SEMA4B: variants seen among roughly 807,000 people sequenced by gnomAD.
SEMA4B encodes the protein semaphorin-4B.
A neutral mutation model predicts 88.1 loss-of-function variants in SEMA4B; 55 were observed. The ratio of observed to expected loss-of-function variants is 0.62; its 90% confidence interval spans 0.50 to 0.78. The LOEUF (loss-of-function observed/expected upper bound fraction) is 0.78. SEMA4B is among the 30% of genes least tolerant of loss of function. The probability of loss-of-function intolerance (pLI) is 0.00; values close to 1 mark genes in which losing one functional copy is unlikely to be tolerated. For missense variants in SEMA4B, 1,062 were observed against 1,111.9 expected (o/e 0.96, Z 0.64); for synonymous variants, 525 against 473.6 (o/e 1.11, Z -1.41).
chr15:90,225,663 G>C lies in SEMA4B; in HGVS notation c.1524G>C (p.Gly508=). The change falls in exon 12 of 14, where the codon GGG becomes GGC. Residue 508 remains glycine (G), a splice_region_variant and synonymous_variant. Transcript: ENST00000411539. The stretch of plus-strand genomic sequence containing the variant: ...CATCCCCGTGTCTGGCTGTGCAGGG[G>C]CTGCTGTATGCGGCCTCACACTCGG... ...VQNLLLDTHR[G]LLYAASHSGV... 2 of 1,563,094 alleles carry C rather than the reference G, an allele frequency of 1.3e-6. No individual in the cohort carries two copies. The highest frequency in any genetic ancestry group is 1.7e-6 in the Non-Finnish European group (2 of 1,154,956).
In SEMA4B at chr15:90,227,474, A is replaced by G. The variant is rs1189205846; in HGVS notation, c.1689-83A>G. 5.3e-6 allele frequency: 7 copies of G among 1,313,430 alleles called. 1 individual carries two copies. The Admixed American group carries it at 1.2e-4, about 23-fold the overall frequency. 81.4% of individuals were successfully genotyped at this position (1,313,430 alleles called of 1,614,324 possible). Reference sequence around the variant, plus strand: ...ATCAGCTCAGGAAAGGCCCTTGCCCAGGCCCAAGTCTGCAGTGAGGGGTGA... The same window carrying G: ...ATCAGCTCAGGAAAGGCCCTTGCCCGGGCCCAAGTCTGCAGTGAGGGGTGA... On this transcript the variant is annotated intron_variant, in intron 12 of 13. Transcript: ENST00000411539.
At chr15:90,197,526 C>T (rs1010111145), upstream of SEMA4B, among the ~76,000 whole-genome samples, 13 of 151,420 alleles carry the variant, frequency 8.6e-5, no homozygotes, top group Non-Finnish European at 1.9e-4. Flanking sequence ...CAAGCTCCGC[C>T]TCCCGGGTTC....
chr15:90,208,351 T>C (rs1384590980), intron 1 of SEMA4B, among the ~76,000 whole-genome samples: 1 of 152,154 alleles, frequency 6.6e-6, no homozygotes, highest in African/African-American at 2.4e-5. Context: ...TTTCTGAAGG[T>C]CTGGTAAGGT....
At chr15:90,202,288 G>T (rs546930199) in intron 1 of SEMA4B, among the ~76,000 whole-genome samples, 1 of 152,274 alleles carries the variant, frequency 6.6e-6, no homozygotes, top group South Asian at 2.1e-4. Flanking sequence ...CGACCAGACT[G>T]CGGATGGGGG....
chr15:90,228,859 C>A lies in SEMA4B; in HGVS notation c.*216C>A. The A allele has an allele frequency of 1.6e-6, 1 of 622,072 alleles. No homozygotes were observed. The highest frequency in any genetic ancestry group is 2.8e-6 in the Non-Finnish European group (1 of 360,270). 38.5% of individuals were successfully genotyped at this position (622,072 alleles called of 1,614,324 possible). On this transcript the variant is annotated 3_prime_UTR_variant, in exon 14 of 14. Transcript: ENST00000411539. The stretch of plus-strand genomic sequence containing the variant: ...CAGCCGTGGCCCCAGAGGTCCTGGC[C>A]AAATATGGGGGCCTGCCTAGGTTGG...
chr15:90,186,954 A>G (rs1472557484), intron 1 of SEMA4B, among the ~76,000 whole-genome samples: 1 of 152,082 alleles, frequency 6.6e-6, no homozygotes, highest in Non-Finnish European at 1.5e-5. Context: ...ATAATAAAAA[A>G]CAAAAAAATA....
chr15:90,193,453 C>G (rs539424588), intron 1 of SEMA4B: 20 of 152,340 alleles, frequency 1.3e-4, no homozygotes, highest in African/African-American at 4.6e-4. Context: ...TACTAGAGTG[C>G]CATGCAAGGC....
At chr15:90,190,239 A>T (rs2151582913) in intron 1 of SEMA4B, 1 of 152,258 alleles carries the variant, frequency 6.6e-6, no homozygotes, top group African/African-American at 2.4e-5. Flanking sequence ...GTCTCCTAAT[A>T]CCACTGCTTT....
chr15:90,206,862 G>A lies in SEMA4B; in HGVS notation c.157+5127G>A, dbSNP rs150788241. On this transcript the variant is annotated intron_variant, in intron 1 of 13. Coordinates refer to ENST00000411539, the MANE Select transcript of SEMA4B (RefSeq NM_198925.4). ...GTCTCTGTCAAATTGACAGAGAGGGGAAACCCCGTAAAGTGGTTGGTTGCA... is the reference window on the plus strand; with the variant it reads ...GTCTCTGTCAAATTGACAGAGAGGGAAAACCCCGTAAAGTGGTTGGTTGCA... 1.0e-3 allele frequency: 738 copies of A among 715,758 alleles called. 1 individual carries two copies. Among genetic ancestry groups the A allele is most frequent in the Middle Eastern group, 1.6e-3 (4 of 2,498 alleles). 44.3% of individuals were successfully genotyped at this position (715,758 alleles called of 1,614,324 possible).
At chr15:90,185,202 TC>T in intron 1 of SEMA4B, 1 of 492,128 alleles carries the variant, frequency 2.0e-6, no homozygotes, top group Non-Finnish European at 2.6e-6. Context: ...CCGGCCCCTC[TC>T]CCCAGAAGGC....
At position 90,221,701 on chromosome 15, in the gene SEMA4B, A is replaced by G; in HGVS notation, c.797A>G (p.Glu266Gly). ...GACAAGATCTACTTTTTCTTCAGCG[A>G]GACTGGCCAGGAATTTGAGTTCTTT... ...DDDKIYFFFS[E>G]TGQEFEFFEN... The change falls in exon 7 of 14, where the codon GAG becomes GGG. Residue 266 changes from glutamate (E) to glycine (G), a missense_variant. Physicochemically the swap from Glu to Gly is moderately conservative, Grantham distance 98. Transcript: ENST00000411539. The G allele has an allele frequency of 6.2e-7, 1 of 1,614,016 alleles. No homozygotes were observed. Among genetic ancestry groups the G allele is most frequent in the Non-Finnish European group, 8.5e-7 (1 of 1,179,896 alleles).
upstream of SEMA4B, among the ~76,000 whole-genome samples, chr15:90,199,994 C>T (rs1364245559): frequency 6.6e-6 from 1 of 152,178 alleles, no homozygotes; most frequent in Non-Finnish European, 1.5e-5. Flanking sequence ...GTCCATATCC[C>T]ATGTGGAATT....
rs1282293872 is a variant in SEMA4B, at chr15:90,228,558, T to C, written c.2429T>C (p.Ile810Thr). ...GAGTCAGAGAAGAGGCCACTCAGCATCCAAGACAGCTTCGTGGAGGTATCC... is the reference window on the plus strand; with the variant it reads ...GAGTCAGAGAAGAGGCCACTCAGCACCCAAGACAGCTTCGTGGAGGTATCC... ...FTESEKRPLS[I>T]QDSFVEVSPV... Residue 810 changes from isoleucine to threonine, a missense_variant, in exon 14 of 14, where the codon ATC (isoleucine) becomes ACC (threonine). Transcript: ENST00000411539. The C allele has an allele frequency of 1.2e-6, 2 of 1,613,566 alleles. No homozygotes were observed. Among genetic ancestry groups the C allele is most frequent in the East Asian group, 2.2e-5 (1 of 44,886 alleles).
At chr15:90,223,274 C>G (rs1961957302) in intron 7 of SEMA4B, among the ~76,000 whole-genome samples, 1 of 152,156 alleles carries the variant, frequency 6.6e-6, no homozygotes, top group Non-Finnish European at 1.5e-5. Flanking sequence ...TATTAACTCA[C>G]TCAGGAACAT....
At position 90,212,435 on chromosome 15, in the gene SEMA4B, G is replaced by C. The variant is rs1047105833; in HGVS notation, c.158-5004G>C. Among the ~76,000 whole-genome samples, 1 of 152,188 alleles carries C rather than the reference G, an allele frequency of 6.6e-6. No individual in the cohort carries two copies. The highest frequency in any genetic ancestry group is 2.4e-5 in the African/African-American group (1 of 41,454). Reference sequence around the variant, plus strand: ...TCATACTGGACTAACCCACTGGATAGATGGATTTAGAGGATGTCCGAGCAG... The same window carrying C: ...TCATACTGGACTAACCCACTGGATACATGGATTTAGAGGATGTCCGAGCAG... On this transcript the variant is annotated intron_variant, in intron 1 of 13. Coordinates refer to ENST00000411539, the MANE Select transcript of SEMA4B (RefSeq NM_198925.4). The surrounding 1 kb of genome is among the most constrained non-coding windows in gnomAD (Gnocchi z 4.0).
Position 90,220,209 on chromosome 15 carries a change from A to G in SEMA4B, c.483+318A>G, listed in dbSNP as rs565263604. The G allele has an allele frequency of 3.4e-5, 10 of 297,208 alleles. No individual in the cohort carries two copies. The East Asian group carries it at 6.5e-4, about 19-fold the overall frequency. The allele number at this position is 297,208 out of a possible 1,614,324, so 18.4% of individuals were successfully genotyped here. ...CTCCTTTGCTTGATTCTCTTGTCTT[A>G]TCTTGTACACCCCCTCCTCAGCACA... On this transcript the variant is annotated intron_variant, in intron 4 of 13. Transcript: ENST00000411539.
chr15:90,205,133 C>T (rs1038809262), intron 1 of SEMA4B, among the ~76,000 whole-genome samples: 2 of 152,210 alleles, frequency 1.3e-5, no homozygotes, highest in African/African-American at 4.8e-5. Context: ...AAGCTCTGGA[C>T]GCAGTATTTC....
At chr15:90,224,901 G>A in intron 9 of SEMA4B, 67 bp from the exon 10 acceptor site, 3 of 1,354,394 alleles carry the variant, frequency 2.2e-6, no homozygotes, top group East Asian at 2.3e-5. Context: ...CACTGGGGAA[G>A]CAGGGCCCGC....
intron 1 of SEMA4B, among the ~76,000 whole-genome samples, chr15:90,196,260 G>A (rs1227557641): frequency 2.0e-5 from 3 of 151,944 alleles, no homozygotes; most frequent in East Asian, 3.9e-4. Flanking sequence ...CATATCAGGA[G>A]GAAAATTACG....
Sources: gnomAD v4.1 joint callset for allele counts (sites outside exome capture counted in the v4.1 genomes callset) on GRCh38, gnomAD v4.1.1 for gene constraint, Gnocchi (gnomAD v3.1) non-coding constraint, MANE v1.5 for transcripts, NCBI Gene and HGNC (gene_info 2026-07-23, HGNC 2026-07-21) for gene names.